The following HDHD2 variants were observed in gnomAD, a reference collection of about 807,000 sequenced individuals.
HDHD2 encodes haloacid dehalogenase like hydrolase domain containing 2.
Under a neutral mutation model 24.8 loss-of-function variants are expected in HDHD2, and 26 were observed. That is an observed-to-expected ratio of 1.05 (90% CI 0.77 to 1.45). The LOEUF is 1.45. Ranked by LOEUF, HDHD2 falls within the 40% of genes most tolerant of loss-of-function variation. The probability of loss-of-function intolerance (pLI) is 0.00; values close to 1 mark genes in which losing one functional copy is unlikely to be tolerated. For synonymous variants in HDHD2, 128 were observed against 114.9 expected (o/e 1.11, Z -0.73); for missense variants, 299 against 313.4 (o/e 0.95, Z 0.35).
At chr18:47,116,641 T>G (rs1012409631) in intron 4 of HDHD2, among the ~76,000 whole-genome samples, 6 of 152,156 alleles carry the variant, frequency 3.9e-5, no homozygotes, top group African/African-American at 1.2e-4. Flanking sequence ...ATACAACTAT[T>G]AGGAAACCTG....
At chr18:47,143,739 T>A (rs1022835041) in intron 1 of HDHD2, among the ~76,000 whole-genome samples, 2 of 152,180 alleles carry the variant, frequency 1.3e-5, no homozygotes, top group Non-Finnish European at 2.9e-5. Context: ...TGACTACCCA[T>A]CTCATTCAGC....
At position 47,130,451 on chromosome 18, in the gene HDHD2, G is replaced by A. The variant is rs540703782; in HGVS notation, c.311-123C>T. 1.5e-3 allele frequency: 957 copies of A among 637,274 alleles called. 1 individual carries two copies. Among genetic ancestry groups the A allele is most frequent in the Middle Eastern group, 7.5e-3 (21 of 2,788 alleles). The allele number at this position is 637,274 out of a possible 1,614,324, so 39.5% of individuals were successfully genotyped here. ...TGTATCCATAATTTAAAATTTAATAGATTATCCTGCCCAGTGTACTTTGGA... is the reference window on the plus strand; with the variant it reads ...TGTATCCATAATTTAAAATTTAATAAATTATCCTGCCCAGTGTACTTTGGA... On this transcript the variant is annotated intron_variant, in intron 3 of 6. Coordinates refer to ENST00000300605, the MANE Select transcript of HDHD2 (RefSeq NM_032124.5).
At chr18:47,140,954 A>C (rs2063814568) in intron 1 of HDHD2, among the ~76,000 whole-genome samples, 1 of 152,212 alleles carries the variant, frequency 6.6e-6, no homozygotes, top group African/African-American at 2.4e-5. Context: ...CACAAGTGAT[A>C]ATTTTTTCTA....
chr18:47,120,825 G>C (rs2063598624), intron 4 of HDHD2, among the ~76,000 whole-genome samples: 1 of 152,176 alleles, frequency 6.6e-6, no homozygotes, highest in African/African-American at 2.4e-5. Context: ...AGGGAGGCCA[G>C]AGGAGAGGAG....
At chr18:47,143,521 G>C (rs1163946444) in intron 1 of HDHD2, among the ~76,000 whole-genome samples, 1 of 152,166 alleles carries the variant, frequency 6.6e-6, no homozygotes, top group Non-Finnish European at 1.5e-5. Flanking sequence ...AAATAATGCA[G>C]TGTTCTAGTA....
chr18:47,130,235 TA>T lies in HDHD2; in HGVS notation c.395+8del. The T allele has an allele frequency of 1.3e-6, 2 of 1,520,386 alleles. No individual in the cohort carries two copies. The highest frequency in any genetic ancestry group is 1.8e-6 in the Non-Finnish European group (2 of 1,100,374). 94.2% of individuals were successfully genotyped at this position (1,520,386 alleles called of 1,614,324 possible). ...TATGATCAGATGAAAAATAAATAGC[TA>T]GGTTTACCGGAATGCTTGATTCAGA... On this transcript the variant is annotated splice_region_variant and intron_variant, in intron 4 of 6. Coordinates refer to ENST00000300605, the MANE Select transcript of HDHD2 (RefSeq NM_032124.5).
In HDHD2 at chr18:47,112,973, A is replaced by G. The variant is rs758793422; in HGVS notation, c.676+4T>C. 6.2e-7 allele frequency: 1 copy of G among 1,610,830 alleles called. No homozygotes were observed. The highest frequency in any genetic ancestry group is 1.1e-5 in the South Asian group (1 of 90,998). On this transcript the variant is annotated splice_donor_region_variant and intron_variant, in intron 6 of 6. Coordinates refer to ENST00000300605, the MANE Select transcript of HDHD2 (RefSeq NM_032124.5). ...AGAAAATGCTTTATACAGAAGATAC[A>G]TACCAGTCTTTACTAAGATGCCCAG...
chr18:47,136,968 C>T (rs1341385634), intron 1 of HDHD2: 2 of 547,366 alleles, frequency 3.7e-6, no homozygotes, highest in African/African-American at 3.8e-5. Context: ...TTGGTGCAGA[C>T]ATGGTACCTC....
chr18:47,126,993 C>G (rs2063665175), intron 4 of HDHD2, among the ~76,000 whole-genome samples: 1 of 152,094 alleles, frequency 6.6e-6, no homozygotes. Context: ...AACCCCGTCT[C>G]TACTAAAAAT....
chr18:47,141,205 T>A (rs938977007), intron 1 of HDHD2, among the ~76,000 whole-genome samples: 1 of 152,216 alleles, frequency 6.6e-6, no homozygotes, highest in Non-Finnish European at 1.5e-5. Flanking sequence ...TTTTTCTGTA[T>A]CCAATGAGAT....
At chr18:47,110,938 C>T (rs1173294391) in intron 6 of HDHD2, 4 of 984,998 alleles carry the variant, frequency 4.1e-6, no homozygotes, top group Non-Finnish European at 4.8e-6. Context: ...CAAAATTGCT[C>T]GAGATGATCC....
At chr18:47,114,999 T>C (rs1424175668) in intron 5 of HDHD2, 133 bp downstream of exon 5, 1 of 625,706 alleles carries the variant, frequency 1.6e-6, no homozygotes, top group Non-Finnish European at 2.8e-6. Context: ...CCTCATTTTA[T>C]AGGTAGCCAT....
At chr18:47,148,329 G>A (rs1471589352) in intron 1 of HDHD2, among the ~76,000 whole-genome samples, 4 of 152,150 alleles carry the variant, frequency 2.6e-5, no homozygotes, top group Non-Finnish European at 1.5e-5. Flanking sequence ...CTACAAGCTG[G>A]TATTTGATAA....
At chr18:47,134,460 A>T (rs1201888609) in intron 3 of HDHD2, 36 bp downstream of exon 3, 1 of 1,411,806 alleles carries the variant, frequency 7.1e-7, no homozygotes, top group Non-Finnish European at 1.0e-6. Context: ...AGTACATATA[A>T]ATATCCAATC....
chr18:47,115,356 G>A lies in HDHD2; in HGVS notation c.396-8C>T, dbSNP rs1568044221. ...GCTCCATCCAGGAGTAACCTAGAGAGAACAACAACAAAAAAAACAAATTGG... is the reference window on the plus strand; with the variant it reads ...GCTCCATCCAGGAGTAACCTAGAGAAAACAACAACAAAAAAAACAAATTGG... On this transcript the variant is annotated splice_polypyrimidine_tract_variant and splice_region_variant and intron_variant, in intron 4 of 6. Coordinates refer to ENST00000300605, the MANE Select transcript of HDHD2 (RefSeq NM_032124.5). 6.2e-7 allele frequency: 1 copy of A among 1,600,636 alleles called. No individual in the cohort carries two copies. The highest frequency in any genetic ancestry group is 8.5e-7 in the Non-Finnish European group (1 of 1,172,984).
intron 1 of HDHD2, among the ~76,000 whole-genome samples, chr18:47,143,188 G>A (rs927338218): frequency 2.6e-5 from 4 of 152,146 alleles, no homozygotes; most frequent in East Asian, 1.9e-4. Flanking sequence ...ACAGTGGCTC[G>A]CACCTGTAAT....
intron 4 of HDHD2, among the ~76,000 whole-genome samples, chr18:47,119,698 C>T (rs1428179995): frequency 1.3e-5 from 2 of 152,204 alleles, no homozygotes; most frequent in Non-Finnish European, 2.9e-5. Context: ...CACAAATGTT[C>T]TTAATGGCAT....
chr18:47,113,019 C>T lies in HDHD2; in HGVS notation c.634G>A (p.Gly212Arg). 1 of 1,614,142 alleles carries T rather than the reference C, an allele frequency of 6.2e-7. No homozygotes were observed. Among genetic ancestry groups the T allele is most frequent in the Non-Finnish European group, 8.5e-7 (1 of 1,179,980 alleles). The change falls in exon 6 of 7, where the codon GGG becomes AGG. Residue 212 changes from glycine to arginine, a missense_variant. Gly to Arg is a moderately radical substitution (Grantham distance 125). Transcript: ENST00000300605. ...IGDDCRDDVG[G>R]AQDVGMLGIL... ...CCCAGCATGCCGACATCTTGAGCCC[C>T]ACCAACATCATCCCTGCAATCCTAG... is the stretch of plus-strand genomic sequence containing the variant.
At chr18:47,144,850 A>G (rs2063853823) in intron 1 of HDHD2, among the ~76,000 whole-genome samples, 1 of 151,898 alleles carries the variant, frequency 6.6e-6, no homozygotes, top group Admixed American at 6.6e-5. Flanking sequence ...AAACAACACA[A>G]AGAAATCAAA....
Sources: allele counts gnomAD v4.1 joint callset (sites outside exome capture counted in the v4.1 genomes callset), GRCh38; gene constraint gnomAD v4.1.1; transcripts MANE v1.5; gene names NCBI Gene and HGNC (gene_info 2026-07-23, HGNC 2026-07-21).